The following SCN4B variants were observed in gnomAD, a reference collection of about 807,000 sequenced individuals.
SCN4B encodes sodium voltage-gated channel beta subunit 4.
In SCN4B, 20 loss-of-function variants were observed where a neutral mutation model predicts 19.6. The observed-to-expected ratio is 1.02, with a 90% confidence interval of 0.72 to 1.48. SCN4B has a LOEUF of 1.48. Ranked by LOEUF, SCN4B falls within the 40% of genes most tolerant of loss-of-function variation. The probability of loss-of-function intolerance (pLI) is 0.00; values close to 1 mark genes in which losing one functional copy is unlikely to be tolerated. For missense variants in SCN4B, 271 were observed against 287.5 expected (o/e 0.94, Z 0.42); for synonymous variants, 127 against 122.8 (o/e 1.03, Z -0.22).
chr11:118,152,179 G>A (rs914616616), intron 1 of SCN4B, among the ~76,000 whole-genome samples: 5 of 152,120 alleles, frequency 3.3e-5, no homozygotes, highest in African/African-American at 9.7e-5. Context: ...CATGCCTGGT[G>A]CCTGGGAAAC....
chr11:118,138,314 C>T (rs958872524), intron 4 of SCN4B, among the ~76,000 whole-genome samples: 9 of 152,184 alleles, frequency 5.9e-5, no homozygotes, highest in Non-Finnish European at 1.2e-4. Context: ...TAGTTCCTAG[C>T]TCCAGCCTAT....
chr11:118,142,679 G>A (rs1948113788), intron 3 of SCN4B: 1 of 152,140 alleles, frequency 6.6e-6, no homozygotes, highest in Admixed American at 6.5e-5. Context: ...AATATTTGTT[G>A]AACAGATGGA....
At position 118,134,633 on chromosome 11, in the gene SCN4B, G is replaced by A. The variant is rs1030126489; in HGVS notation, c.*2394C>T. 1 of 454,058 alleles carries A rather than the reference G, an allele frequency of 2.2e-6. No homozygotes were observed. Among genetic ancestry groups the A allele is most frequent in the Non-Finnish European group, 4.4e-6 (1 of 226,798 alleles). The allele number at this position is 454,058 out of a possible 1,614,324, so 28.1% of individuals were successfully genotyped here. On this transcript the variant is annotated 3_prime_UTR_variant, in exon 5 of 5. Transcript: ENST00000324727. ...AAGAAGCTTTAAGCATCAGAGTCAA[G>A]GTTTCTAATATTGCAAAGACTAAAT...
chr11:118,145,319 A>G, intron 1 of SCN4B, 90 bp from the exon 2 acceptor site: 2 of 1,586,144 alleles, frequency 1.3e-6, no homozygotes, highest in Non-Finnish European at 1.7e-6. Context: ...TAGCTTGGCC[A>G]GGCAGGTAGG....
In SCN4B at chr11:118,134,937, C is replaced by T. The variant is rs1412049236; in HGVS notation, c.*2090G>A. ...GAAGCTGCATGATCCATCTAGAAAT[C>T]AGCAGTAGACCCTGGGGAGGAAAGA... On this transcript the variant is annotated 3_prime_UTR_variant, in exon 5 of 5. Transcript: ENST00000324727. 1 of 454,022 alleles carries T rather than the reference C, an allele frequency of 2.2e-6. No homozygotes were observed. Among genetic ancestry groups the T allele is most frequent in the Non-Finnish European group, 4.4e-6 (1 of 226,800 alleles). 28.1% of individuals were successfully genotyped at this position (454,022 alleles called of 1,614,324 possible).
chr11:118,147,777 T>C (rs766528294), intron 1 of SCN4B, among the ~76,000 whole-genome samples: 1 of 152,176 alleles, frequency 6.6e-6, no homozygotes, highest in Non-Finnish European at 1.5e-5. Flanking sequence ...TGATAGCTAA[T>C]GGCCTCCCTC....
chr11:118,144,172 C>G (rs1273368853), intron 2 of SCN4B, 111 bp from the exon 3 acceptor site: 1 of 755,212 alleles, frequency 1.3e-6, no homozygotes, highest in Non-Finnish European at 2.4e-6. Flanking sequence ...TGTCCAGGAC[C>G]AGGAAGAGCC....
At chr11:118,145,287 G>A (rs753213388) in intron 1 of SCN4B, 58 bp from the exon 2 acceptor site, 8 of 1,610,180 alleles carry the variant, frequency 5.0e-6, no homozygotes, top group Middle Eastern at 3.4e-4. Context: ...GCTCTGGAAG[G>A]GGATGCTTAG....
At chr11:118,137,902 G>A (rs1219710521) in intron 4 of SCN4B, among the ~76,000 whole-genome samples, 1 of 152,122 alleles carries the variant, frequency 6.6e-6, no homozygotes, top group Non-Finnish European at 1.5e-5. Flanking sequence ...GGTATTAAGG[G>A]AAGAACAGAG....
intron 1 of SCN4B, among the ~76,000 whole-genome samples, chr11:118,149,911 G>A (rs1948219556): frequency 6.6e-6 from 1 of 152,158 alleles, no homozygotes; most frequent in East Asian, 1.9e-4. Flanking sequence ...AGGTTCAGAA[G>A]GAGAACTAAG....
rs570554801 is a variant in SCN4B, at chr11:118,136,528, G to A, written c.*499C>T. Reference sequence around the variant, plus strand: ...AAGCAGAGGCAGTCTCTCACTGTGGGCCTGCCCCCATCAGCCCCCACCCCA... The same window carrying A: ...AAGCAGAGGCAGTCTCTCACTGTGGACCTGCCCCCATCAGCCCCCACCCCA... On this transcript the variant is annotated 3_prime_UTR_variant, in exon 5 of 5. Coordinates refer to ENST00000324727, the MANE Select transcript of SCN4B (RefSeq NM_174934.4). 57 of 454,056 alleles carry A rather than the reference G, an allele frequency of 1.3e-4. No homozygotes were observed. In the Admixed American group the frequency reaches 1.3e-3, roughly 10 times the overall value. 28.1% of individuals were successfully genotyped at this position (454,056 alleles called of 1,614,324 possible). A position where few individuals can be genotyped will look rare whatever the true frequency, so the allele number is the denominator to read the frequency against.
intron 1 of SCN4B, among the ~76,000 whole-genome samples, chr11:118,151,119 C>T (rs913706042): frequency 1.7e-4 from 19 of 109,286 alleles, no homozygotes; most frequent in South Asian, 1.4e-3. Context: ...CCCTTACACA[C>T]GTGCACACAC....
At chr11:118,150,747 G>A (rs1013300908) in intron 1 of SCN4B, among the ~76,000 whole-genome samples, 2 of 152,160 alleles carry the variant, frequency 1.3e-5, no homozygotes, top group Admixed American at 6.5e-5. Context: ...CTGTCCAGTC[G>A]TCTCTGTATC....
At position 118,136,044 on chromosome 11, in the gene SCN4B, G is replaced by GGGGC. The variant is rs1565452481; in HGVS notation, c.*982_*983insGCCC. 2.3e-6 allele frequency: 1 copy of GGGGC among 436,108 alleles called. No individual in the cohort carries two copies. The highest frequency in any genetic ancestry group is 2.4e-5 in the Admixed American group (1 of 41,150). The allele number at this position is 436,108 out of a possible 1,614,324, so 27.0% of individuals were successfully genotyped here. ...GCGTGATGGAGGGCACGGTGGGGGGGGGGGAGCGAGCCAATGGGAGGTTGG... is the reference window on the plus strand; with the variant it reads ...GCGTGATGGAGGGCACGGTGGGGGGGGGGCGGGGAGCGAGCCAATGGGAGGTTGG... On this transcript the variant is annotated 3_prime_UTR_variant, in exon 5 of 5. Coordinates refer to ENST00000324727, the MANE Select transcript of SCN4B (RefSeq NM_174934.4).
intron 1 of SCN4B, chr11:118,145,803 C>A: frequency 4.8e-6 from 1 of 206,726 alleles, no homozygotes; most frequent in Non-Finnish European, 1.0e-5. Context: ...AGGCTCCTCC[C>A]TGGTCCCCAG....
At chr11:118,151,051 C>A (rs769277972) in intron 1 of SCN4B, among the ~76,000 whole-genome samples, 62 of 152,098 alleles carry the variant, frequency 4.1e-4, no homozygotes, top group Admixed American at 5.9e-4. Context: ...GCTGAACAGT[C>A]CTTGGAGAAG....
chr11:118,150,141 T>G (rs2135508898), intron 1 of SCN4B, among the ~76,000 whole-genome samples: 1 of 152,204 alleles, frequency 6.6e-6, no homozygotes, highest in South Asian at 2.1e-4. Flanking sequence ...CAAGTGATAA[T>G]TAAACACAGA....
Position 118,137,040 on chromosome 11 carries a change from G to T in SCN4B, c.674C>A (p.Pro225His), listed in dbSNP as rs1465187961. Residue 225 changes from proline to histidine, a missense_variant, in exon 5 of 5, where the codon CCT (proline) becomes CAT (histidine). By Grantham distance (77) the Pro-to-His change is moderately conservative. Coordinates refer to ENST00000324727, the MANE Select transcript of SCN4B (RefSeq NM_174934.4). ...CCGAAGCAGGGCTCACACTTTTGAA[G>T]GTGGTTTCTCCTCTGCCTTGGAGCC... ...LPGSKAEEKP[P>H]SKV The T allele has an allele frequency of 1.2e-6, 2 of 1,613,112 alleles. No individual in the cohort carries two copies. Among genetic ancestry groups the T allele is most frequent in the African/African-American group, 1.3e-5 (1 of 74,920 alleles).
In SCN4B at chr11:118,151,122, GCACA is replaced by G. The variant is rs3837425; in HGVS notation, c.61+1487_61+1490del. 5.0e-3 allele frequency among the ~76,000 whole-genome samples: 739 copies of G among 149,224 alleles called. 2 individuals are homozygous for G. The highest frequency in any genetic ancestry group is 0.013 in the East Asian group (65 of 5,038). On this transcript the variant is annotated intron_variant, in intron 1 of 4. Transcript: ENST00000324727. ...TGCCTACAATCCCCCTTACACACGT[GCACA>G]CACACACACACACACACACACACAC...
Sources: gnomAD v4.1 joint callset for allele counts (sites outside exome capture counted in the v4.1 genomes callset) on GRCh38, gnomAD v4.1.1 for gene constraint, MANE v1.5 for transcripts, NCBI Gene and HGNC (gene_info 2026-07-23, HGNC 2026-07-21) for gene names.